CLIP1: variants seen among roughly 807,000 people sequenced by gnomAD.
CLIP1 encodes CAP-Gly domain-containing linker protein 1.
In CLIP1, 66 loss-of-function variants were observed where a neutral mutation model predicts 161.6. The observed-to-expected ratio is 0.41, with a 90% CI of 0.33 to 0.50. The LOEUF (loss-of-function observed/expected upper bound fraction) is 0.50, where lower values mean the gene tolerates loss of function less well. CLIP1 is among the 20% of genes least tolerant of loss of function. The pLI is 0.27. For missense variants in CLIP1, 1,376 were observed against 1,702.0 expected (o/e 0.81, Z 3.37); for synonymous variants, 598 against 626.2 (o/e 0.96, Z 0.67).
chr12:122,282,932 C>T (rs1192290012), intron 21 of CLIP1, among the ~76,000 whole-genome samples: 1 of 152,148 alleles, frequency 6.6e-6, no homozygotes, highest in Admixed American at 6.6e-5. Context: ...CGGAGACAGT[C>T]AGACAGTTAG....
intron 3 of CLIP1, among the ~76,000 whole-genome samples, chr12:122,368,743 G>C (rs1313299361): frequency 6.6e-6 from 1 of 151,976 alleles, no homozygotes; most frequent in Non-Finnish European, 1.5e-5. Flanking sequence ...AGGAGTTTGA[G>C]ACAGGCCTGA....
intron 13 of CLIP1, 26 bp downstream of exon 13, chr12:122,334,622 T>C: frequency 6.6e-7 from 1 of 1,523,736 alleles, no homozygotes; most frequent in Non-Finnish European, 9.0e-7. Flanking sequence ...TTTAAAGCAA[T>C]CTGCACACGC....
At position 122,379,943 on chromosome 12, in the gene CLIP1, T is replaced by TAA. The variant is rs1566198620; in HGVS notation, c.85+424_85+425insTT. On this transcript the variant is annotated intron_variant, in intron 2 of 25. Transcript: ENST00000620786. ...TGGGGAATAGAGCAAGACTCCATCT[T>TAA]TAAAAAAAAAAAAAAAAAATGCAAG... 2.1e-4 allele frequency among the ~76,000 whole-genome samples: 15 copies of TAA among 70,418 alleles called. No individual in the cohort carries two copies. In the Middle Eastern group the frequency reaches 0.035, roughly 165 times the overall value. 46.2% of individuals were successfully genotyped at this position (70,418 alleles called of 152,430 possible). A position where few individuals can be genotyped will look rare whatever the true frequency, so the allele number is the denominator to read the frequency against.
At chr12:122,374,413 G>A (rs947952790) in intron 3 of CLIP1, among the ~76,000 whole-genome samples, 3 of 151,504 alleles carry the variant, frequency 2.0e-5, no homozygotes, top group African/African-American at 7.3e-5. Flanking sequence ...GAGGTCAAGA[G>A]ATCGAGACCA....
intron 3 of CLIP1, among the ~76,000 whole-genome samples, chr12:122,367,667 A>G (rs1383952313): frequency 6.6e-6 from 1 of 152,236 alleles, no homozygotes; most frequent in African/African-American, 2.4e-5. Flanking sequence ...CATATCTAAG[A>G]AATCTATGTT....
At position 122,350,769 on chromosome 12, in the gene CLIP1, CTT is replaced by C. The variant is rs1952994546; in HGVS notation, c.1401+340_1401+341del. Among the ~76,000 whole-genome samples the C allele has an allele frequency of 2.6e-5, 4 of 151,234 alleles. No individual in the cohort carries two copies. The South Asian group carries it at 8.4e-4, about 32-fold the overall frequency. ...CTTATGCTCCAGCCAGATATCATCT[CTT>C]TTGGAATAATTCCACTAAAATTAGA... On this transcript the variant is annotated intron_variant, in intron 9 of 25. Transcript: ENST00000620786.
intron 4 of CLIP1, among the ~76,000 whole-genome samples, chr12:122,362,287 AT>A (rs1334723945): frequency 9.2e-5 from 14 of 151,768 alleles, no homozygotes; most frequent in Admixed American, 3.9e-4. Context: ...AAAAAAAAAA[AT>A]CTACCCAAAC....
At chr12:122,274,463 A>G (rs1472187015) in intron 24 of CLIP1, 1 of 181,220 alleles carries the variant, frequency 5.5e-6, no homozygotes, top group Admixed American at 5.8e-5. Flanking sequence ...GCTATTTTAT[A>G]TTTTAAAAAA....
intron 1 of CLIP1, among the ~76,000 whole-genome samples, 196 bp downstream of exon 1, chr12:122,422,325 C>T (rs1956979172): frequency 6.6e-6 from 1 of 151,894 alleles, no homozygotes; most frequent in Non-Finnish European, 1.5e-5. Flanking sequence ...CCAGGGACCC[C>T]CGGCCTCCGG....
intron 19 of CLIP1, among the ~76,000 whole-genome samples, chr12:122,313,649 G>A (rs1951151069): frequency 1.3e-5 from 2 of 151,888 alleles, no homozygotes; most frequent in African/African-American, 4.8e-5. Context: ...CCCAGGAGGT[G>A]GAGGTTACAG....
In CLIP1 at chr12:122,405,766, A is replaced by G. The variant is rs1482215154; in HGVS notation, c.-107+16755T>C. On this transcript the variant is annotated intron_variant, in intron 1 of 25. Transcript: ENST00000620786. ...TCATGCCACCACACTATCTCAAAAA[A>G]AAAAACAAAAAGGAAACAGCAGCCG... 2.0e-5 allele frequency among the ~76,000 whole-genome samples: 3 copies of G among 150,410 alleles called. No individual in the cohort carries two copies. In the South Asian group the frequency reaches 6.3e-4, roughly 32 times the overall value.
intron 21 of CLIP1, among the ~76,000 whole-genome samples, chr12:122,285,055 A>G (rs1332408445): frequency 6.6e-6 from 1 of 152,134 alleles, no homozygotes; most frequent in Non-Finnish European, 1.5e-5. Flanking sequence ...GGCTCAAGTG[A>G]TCCTCTCACC....
intron 24 of CLIP1, chr12:122,276,890 C>T (rs1386297589): frequency 1.2e-5 from 2 of 163,758 alleles, no homozygotes; most frequent in East Asian, 1.8e-4. Context: ...CGGGCTCCAG[C>T]GATCTGCCTA....
At chr12:122,298,561 C>T (rs949642979) in intron 20 of CLIP1, among the ~76,000 whole-genome samples, 3 of 147,564 alleles carry the variant, frequency 2.0e-5, no homozygotes, top group Non-Finnish European at 3.0e-5. Flanking sequence ...TATGCCATCG[C>T]ACTCCAGCCT....
intron 1 of CLIP1, chr12:122,396,105 CA>C (rs201112736): frequency 1.7e-3 from 199 of 115,328 alleles, no homozygotes; most frequent in Middle Eastern, 4.9e-3. Flanking sequence ...GACTCCATCT[CA>C]AAAAAAAAAA....
At chr12:122,294,638 C>T (rs1249758300) in intron 20 of CLIP1, among the ~76,000 whole-genome samples, 1 of 152,076 alleles carries the variant, frequency 6.6e-6, no homozygotes, top group African/African-American at 2.4e-5. Context: ...ACACAGACGC[C>T]TGTAGTCCTA....
Position 122,358,043 on chromosome 12 carries a change from T to A in CLIP1, c.1006-2731A>T, listed in dbSNP as rs577270196. On this transcript the variant is annotated intron_variant, in intron 5 of 25. Coordinates refer to ENST00000620786, the MANE Select transcript of CLIP1 (RefSeq NM_001247997.2). ...ATTGAGAAATCGAATGGTTGCCATG[T>A]CTGTGTAGAAAGAGGTAGACATGGG... Among the ~76,000 whole-genome samples the A allele has an allele frequency of 2.0e-5, 3 of 152,360 alleles. 1 individual carries two copies. The East Asian group carries it at 5.8e-4, about 29-fold the overall frequency.
intron 1 of CLIP1, among the ~76,000 whole-genome samples, chr12:122,412,328 G>A (rs1956568877): frequency 1.3e-5 from 2 of 149,212 alleles, no homozygotes; most frequent in Admixed American, 6.6e-5. Flanking sequence ...TTACAGGGGT[G>A]AGCCACCACA....
In CLIP1 at chr12:122,278,960, A is replaced by T. The variant is rs766314040; in HGVS notation, c.3766-18T>A. ...ACTGTGACCTGAAACACAGTTGTTT[A>T]GCTTAGGCTGAGGGTTTGAACGAAA... On this transcript the variant is annotated intron_variant, in intron 22 of 25. Transcript: ENST00000620786. 6.2e-7 allele frequency: 1 copy of T among 1,605,932 alleles called. No individual in the cohort carries two copies. The highest frequency in any genetic ancestry group is 2.2e-5 in the East Asian group (1 of 44,734).
Sources: allele counts gnomAD v4.1 joint callset (sites outside exome capture counted in the v4.1 genomes callset), GRCh38; gene constraint gnomAD v4.1.1; transcripts MANE v1.5; gene names NCBI Gene and HGNC (gene_info 2026-07-23, HGNC 2026-07-21).